R3HDM2: variants seen among roughly 807,000 people sequenced by gnomAD.
R3HDM2 encodes R3H domain containing 2.
A neutral mutation model predicts 124.5 loss-of-function variants in R3HDM2; 38 were observed. The ratio of observed to expected loss-of-function variants is 0.31; its 90% CI spans 0.24 to 0.40. The LOEUF (loss-of-function observed/expected upper bound fraction) is 0.40. Among genes scored for constraint, R3HDM2 ranks in the 10% least tolerant of loss-of-function variants. The pLI is 1.00. For synonymous variants in R3HDM2, 391 were observed against 448.0 expected, an observed-to-expected ratio of 0.87 and a Z score of 1.61; for missense variants, 869 against 1,236.9, an observed-to-expected ratio of 0.70 and a Z score of 4.46.
At chr12:57,277,217 A>C (rs2045033751) in intron 14 of R3HDM2, among the ~76,000 whole-genome samples, 1 of 152,036 alleles carries the variant, frequency 6.6e-6, no homozygotes, top group South Asian at 2.1e-4. Context: ...CTTTTCAAGA[A>C]GTCTACTTCA....
chr12:57,307,475 C>A (rs1452710586), intron 3 of R3HDM2, among the ~76,000 whole-genome samples: 2 of 151,752 alleles, frequency 1.3e-5, no homozygotes, highest in African/African-American at 4.8e-5. Context: ...CATGCGCCAC[C>A]AGGCCCAGCT....
At chr12:57,415,956 A>G (rs748312836) in intron 1 of R3HDM2, among the ~76,000 whole-genome samples, 1 of 152,236 alleles carries the variant, frequency 6.6e-6, no homozygotes, top group Non-Finnish European at 1.5e-5. Flanking sequence ...GAAGGAATCC[A>G]GGATTGTGGG....
At position 57,395,772 on chromosome 12, in the gene R3HDM2, G is replaced by A; in HGVS notation, c.-59C>T. The A allele has an allele frequency of 2.0e-6, 2 of 984,598 alleles. No homozygotes were observed. Among genetic ancestry groups the A allele is most frequent in the East Asian group, 1.1e-4 (1 of 8,808 alleles). The allele number at this position is 984,598 out of a possible 1,614,324, so 61.0% of individuals were successfully genotyped here. A position where few individuals can be genotyped will look rare whatever the true frequency, so the allele number is the denominator to read the frequency against. ...ACCTGAATAAATGCTCAGCCTCCAT[G>A]AGTCCAGTGCTGGAATGGCATCACA... On this transcript the variant is annotated 5_prime_UTR_variant, in exon 2 of 24. Coordinates refer to ENST00000402412, the MANE Select transcript of R3HDM2 (RefSeq NM_001394031.1).
At chr12:57,336,318 T>A (rs1004327312) in intron 2 of R3HDM2, among the ~76,000 whole-genome samples, 4 of 152,118 alleles carry the variant, frequency 2.6e-5, no homozygotes, top group Non-Finnish European at 5.9e-5. Context: ...TAGAGGAATA[T>A]AAATCATTCT....
chr12:57,400,954 C>A (rs2067993819), intron 1 of R3HDM2, among the ~76,000 whole-genome samples: 1 of 151,918 alleles, frequency 6.6e-6, no homozygotes, highest in Non-Finnish European at 1.5e-5. Flanking sequence ...CCCAGCCACA[C>A]CAAATAATCA....
chr12:57,360,786 T>G (rs1030937873), intron 2 of R3HDM2, among the ~76,000 whole-genome samples: 2 of 152,202 alleles, frequency 1.3e-5, no homozygotes, highest in African/African-American at 4.8e-5. Flanking sequence ...CTGGGCGCAG[T>G]GGCTCACGCC....
At chr12:57,300,036 A>G in intron 5 of R3HDM2, 59 bp downstream of exon 5, 7 of 1,277,292 alleles carry the variant, frequency 5.5e-6, no homozygotes, top group Non-Finnish European at 6.7e-6. Flanking sequence ...CTGCCATACT[A>G]CATCTTACCA....
intron 2 of R3HDM2, among the ~76,000 whole-genome samples, chr12:57,328,566 G>A (rs2057660731): frequency 6.6e-6 from 1 of 151,366 alleles, no homozygotes; most frequent in South Asian, 2.1e-4. Flanking sequence ...TCAGTAGGTT[G>A]CCCAGGCTGG....
chr12:57,294,359 G>A (rs1010387325), intron 10 of R3HDM2, among the ~76,000 whole-genome samples: 6 of 152,142 alleles, frequency 3.9e-5, no homozygotes, highest in Non-Finnish European at 4.4e-5. Context: ...TTGGGAAAAT[G>A]GAGAAGGGCA....
At chr12:57,429,944 T>C (rs1205767451) in intron 1 of R3HDM2, among the ~76,000 whole-genome samples, 1 of 152,226 alleles carries the variant, frequency 6.6e-6, no homozygotes, top group Non-Finnish European at 1.5e-5. Context: ...GGCTTACGCA[T>C]ATCAGACAGG....
chr12:57,412,134 A>G (rs1432087747), intron 1 of R3HDM2, among the ~76,000 whole-genome samples: 1 of 152,232 alleles, frequency 6.6e-6, no homozygotes, highest in East Asian at 1.9e-4. Flanking sequence ...GCATTTCTTT[A>G]TAACAGTGTG....
intron 20 of R3HDM2, among the ~76,000 whole-genome samples, chr12:57,258,511 ATTT>A (rs942830824): frequency 6.6e-6 from 1 of 151,520 alleles, no homozygotes; most frequent in African/African-American, 2.4e-5. Context: ...CGCCTGGCTA[ATTT>A]TTTTATTTTC....
At chr12:57,391,937 G>C (rs2066745960) in intron 2 of R3HDM2, among the ~76,000 whole-genome samples, 1 of 152,208 alleles carries the variant, frequency 6.6e-6, no homozygotes, top group African/African-American at 2.4e-5. Flanking sequence ...TGAGGCGGGT[G>C]GATTACCTGA....
intron 1 of R3HDM2, among the ~76,000 whole-genome samples, chr12:57,426,893 G>C (rs972591398): frequency 2.6e-5 from 4 of 152,188 alleles, no homozygotes; most frequent in Non-Finnish European, 1.5e-5. Context: ...TTCATGGAAA[G>C]AGTTCAAGGA....
At chr12:57,398,547 G>A (rs931468240) in intron 1 of R3HDM2, among the ~76,000 whole-genome samples, 2 of 151,002 alleles carry the variant, frequency 1.3e-5, no homozygotes, top group African/African-American at 4.9e-5. Context: ...GGAGTGCAGT[G>A]GCGTGATCTC....
intron 3 of R3HDM2, among the ~76,000 whole-genome samples, chr12:57,306,834 G>A (rs1050093534): frequency 1.3e-5 from 2 of 152,142 alleles, no homozygotes; most frequent in Non-Finnish European, 2.9e-5. Flanking sequence ...GGCCAACATG[G>A]TGAAACCCTG....
At chr12:57,284,196 G>A in intron 12 of R3HDM2, 140 bp from the exon 13 acceptor site, 1 of 805,154 alleles carries the variant, frequency 1.2e-6, no homozygotes, top group East Asian at 2.7e-5. Context: ...ATTGTTAGTT[G>A]GCTGGCCAAC....
chr12:57,355,403 G>A (rs1173535246), intron 2 of R3HDM2, among the ~76,000 whole-genome samples: 3 of 149,140 alleles, frequency 2.0e-5, no homozygotes. Flanking sequence ...AGCTTGCAGT[G>A]CGCTGAGATC....
At chr12:57,311,504 T>C (rs2139110848) in intron 2 of R3HDM2, among the ~76,000 whole-genome samples, 1 of 151,934 alleles carries the variant, frequency 6.6e-6, no homozygotes, top group East Asian at 1.9e-4. Context: ...GGGATTACAG[T>C]CGTGAGCCAC....
Sources: gnomAD v4.1 joint callset for allele counts (sites outside exome capture counted in the v4.1 genomes callset) on GRCh38, gnomAD v4.1.1 for gene constraint, MANE v1.5 for transcripts, NCBI Gene and HGNC (gene_info 2026-07-23, HGNC 2026-07-21) for gene names.